The following FER variants were observed in gnomAD, a reference collection of about 807,000 sequenced individuals.
The protein encoded by FER is tyrosine-protein kinase Fer.
Under a neutral mutation model 111.0 loss-of-function variants are expected in FER, and 63 were observed. That is an observed-to-expected ratio of 0.57 (90% CI 0.46 to 0.70). The LOEUF is 0.70. FER is among the 30% of genes least tolerant of loss of function. The probability of loss-of-function intolerance (pLI) is 0.00; values close to 1 mark genes in which losing one functional copy is unlikely to be tolerated. For synonymous variants in FER, 327 were observed against 313.9 expected (o/e 1.04, Z -0.44); for missense variants, 914 against 954.0 (o/e 0.96, Z 0.55).
intron 5 of FER, among the ~76,000 whole-genome samples, chr5:108,845,957 A>G (rs1761989054): frequency 6.6e-6 from 1 of 152,212 alleles, no homozygotes. Flanking sequence ...CTCGCTAGTC[A>G]TGACTAAGGA....
At chr5:108,778,180 C>T (rs900327091) in intron 2 of FER, among the ~76,000 whole-genome samples, 21 of 152,138 alleles carry the variant, frequency 1.4e-4, no homozygotes, top group Non-Finnish European at 2.2e-4. Flanking sequence ...GTATTTACCA[C>T]AGTTCATCTA....
intron 18 of FER, among the ~76,000 whole-genome samples, chr5:109,182,750 G>T (rs1018527717): frequency 6.6e-6 from 1 of 152,186 alleles, no homozygotes; most frequent in African/African-American, 2.4e-5. Context: ...GCTGACTAAA[G>T]TGTTGTATTT....
At chr5:108,952,463 C>A (rs140504150) in intron 11 of FER, among the ~76,000 whole-genome samples, 1,810 of 145,472 alleles carry the variant, frequency 0.012, 18 homozygotes, top group Non-Finnish European at 0.021. Flanking sequence ...GTGACTTTTC[C>A]CTGTGTATGT....
intron 17 of FER, among the ~76,000 whole-genome samples, chr5:109,152,783 C>G (rs551663499): frequency 6.6e-6 from 1 of 151,958 alleles, no homozygotes; most frequent in East Asian, 1.9e-4. Flanking sequence ...CAAACTGTGT[C>G]AAGGAAGGAA....
At chr5:109,089,544 C>T (rs1228832465) in intron 16 of FER, among the ~76,000 whole-genome samples, 1 of 152,116 alleles carries the variant, frequency 6.6e-6, no homozygotes, top group Non-Finnish European at 1.5e-5. Flanking sequence ...AAGTCTCAGT[C>T]CTTGATCCTC....
Position 109,031,990 on chromosome 5 carries a change from A to G in FER, c.1657-5432A>G, listed in dbSNP as rs575547498. 5.9e-5 allele frequency among the ~76,000 whole-genome samples: 9 copies of G among 152,310 alleles called. No individual in the cohort carries two copies. The South Asian group carries it at 1.7e-3, about 28-fold the overall frequency. On this transcript the variant is annotated intron_variant, in intron 13 of 19. Transcript: ENST00000281092. ...CTTAAGTATATCCATAACATATGCA[A>G]TGTATGGAGCATAACTACCATTTTA...
intron 13 of FER, among the ~76,000 whole-genome samples, chr5:109,019,129 T>C (rs1008204607): frequency 2.0e-5 from 3 of 151,632 alleles, no homozygotes; most frequent in Non-Finnish European, 3.0e-5. Flanking sequence ...TGTCCCTTTA[T>C]CCACATTTGA....
At chr5:108,749,653 T>C (rs555265521) in intron 1 of FER, among the ~76,000 whole-genome samples, 2 of 152,328 alleles carry the variant, frequency 1.3e-5, no homozygotes, top group Admixed American at 6.5e-5. Context: ...CCTCCGGTCT[T>C]GGCCAGAGGT....
intron 16 of FER, among the ~76,000 whole-genome samples, chr5:109,076,835 G>C (rs1776401836): frequency 6.6e-6 from 1 of 152,172 alleles, no homozygotes; most frequent in South Asian, 2.1e-4. Flanking sequence ...ACTATATCTT[G>C]AGTTTTTAGC....
At chr5:108,780,205 A>G (rs1753903083) in intron 2 of FER, among the ~76,000 whole-genome samples, 1 of 152,144 alleles carries the variant, frequency 6.6e-6, no homozygotes, top group Non-Finnish European at 1.5e-5. Flanking sequence ...TTCTTTATAT[A>G]GATCTCAATT....
intron 13 of FER, among the ~76,000 whole-genome samples, chr5:108,965,025 G>A (rs767493631): frequency 2.0e-5 from 3 of 151,822 alleles, no homozygotes; most frequent in Admixed American, 6.6e-5. Context: ...TATCAAATTG[G>A]ATTTCCAGGC....
intron 5 of FER, among the ~76,000 whole-genome samples, chr5:108,858,751 G>T (rs908521026): frequency 1.4e-5 from 2 of 146,016 alleles, no homozygotes; most frequent in Admixed American, 1.4e-4. Context: ...ATTTGAGTTG[G>T]TAGACAGTTT....
chr5:108,976,403 CA>C (rs1374741700), intron 13 of FER, among the ~76,000 whole-genome samples: 1 of 152,164 alleles, frequency 6.6e-6, no homozygotes, highest in Non-Finnish European at 1.5e-5. Context: ...CTCTTTGTCT[CA>C]TCAAGGTTTT....
At chr5:109,018,041 G>A (rs1767428377) in intron 13 of FER, among the ~76,000 whole-genome samples, 1 of 151,710 alleles carries the variant, frequency 6.6e-6, no homozygotes, top group Admixed American at 6.6e-5. Context: ...CATCATGTAT[G>A]TATGGTCAAC....
chr5:108,995,231 T>C (rs957252328), intron 13 of FER, among the ~76,000 whole-genome samples: 15 of 152,174 alleles, frequency 9.9e-5, no homozygotes, highest in African/African-American at 3.6e-4. Flanking sequence ...TTCAGTATGG[T>C]ATTGACTGTT....
intron 13 of FER, among the ~76,000 whole-genome samples, chr5:108,984,200 C>T (rs991354956): frequency 1.3e-5 from 2 of 152,052 alleles, no homozygotes; most frequent in African/African-American, 4.8e-5. Context: ...AGAATCCTGT[C>T]TTACCATTCT....
At chr5:109,070,418 A>G (rs1775635530) in intron 16 of FER, among the ~76,000 whole-genome samples, 1 of 152,006 alleles carries the variant, frequency 6.6e-6, no homozygotes, top group African/African-American at 2.4e-5. Flanking sequence ...GGTGATGAGT[A>G]TACCTACCTT....
chr5:109,115,844 T>C (rs999190318), intron 17 of FER, among the ~76,000 whole-genome samples: 2 of 152,140 alleles, frequency 1.3e-5, no homozygotes, highest in East Asian at 3.8e-4. Context: ...GTAAACTCTT[T>C]CCTTTTCTTC....
chr5:108,998,248 T>C (rs1764265916), intron 13 of FER, among the ~76,000 whole-genome samples: 1 of 151,020 alleles, frequency 6.6e-6, no homozygotes, highest in Non-Finnish European at 1.5e-5. Flanking sequence ...CCGCCCAGTC[T>C]TGTGGTTGAA....
Sources: allele counts gnomAD v4.1 joint callset (sites outside exome capture counted in the v4.1 genomes callset), GRCh38; gene constraint gnomAD v4.1.1; transcripts MANE v1.5; gene names NCBI Gene and HGNC (gene_info 2026-07-23, HGNC 2026-07-21).